EBF1: variants seen among roughly 807,000 people sequenced by gnomAD.
EBF1 encodes EBF transcription factor 1.
In EBF1, 10 loss-of-function variants were observed where a neutral mutation model predicts 68.4. That is an observed-to-expected ratio of 0.15 (90% confidence interval 0.09 to 0.25). The LOEUF (loss-of-function observed/expected upper bound fraction) is 0.25. Among genes scored for constraint, EBF1 ranks in the 10% least tolerant of loss-of-function variants. EBF1 has a pLI of 1.00. For synonymous variants in EBF1, 298 were observed against 299.8 expected (o/e 0.99, Z 0.06); for missense variants, 509 against 794.4 (o/e 0.64, Z 4.32).
chr5:159,070,763 T>C (rs1365599668), intron 6 of EBF1, among the ~76,000 whole-genome samples: 1 of 152,216 alleles, frequency 6.6e-6, no homozygotes, highest in Non-Finnish European at 1.5e-5. Context: ...TGTAATTGCA[T>C]ATTGTATGCA....
chr5:158,899,830 A>G (rs1802910792), intron 6 of EBF1, among the ~76,000 whole-genome samples: 1 of 152,146 alleles, frequency 6.6e-6, no homozygotes, highest in Non-Finnish European at 1.5e-5. Flanking sequence ...TTTCCATGAG[A>G]AAGGTGCGGT....
chr5:158,987,745 T>A (rs1330974355), intron 6 of EBF1, among the ~76,000 whole-genome samples: 2 of 152,170 alleles, frequency 1.3e-5, no homozygotes, highest in African/African-American at 4.8e-5. Context: ...GAAAAAGATA[T>A]AAGAACTCTT....
chr5:158,745,697 T>C (rs1357971378), intron 10 of EBF1, among the ~76,000 whole-genome samples: 3 of 152,170 alleles, frequency 2.0e-5, no homozygotes, highest in African/African-American at 7.2e-5. Context: ...GCCATGTGGA[T>C]ATAATTTGTT....
chr5:158,727,173 T>C (rs145125844), intron 11 of EBF1, among the ~76,000 whole-genome samples: 16 of 152,306 alleles, frequency 1.1e-4, no homozygotes, highest in East Asian at 9.7e-4. Context: ...ACCTTAATAA[T>C]GCAGTGCTGG....
intron 11 of EBF1, among the ~76,000 whole-genome samples, chr5:158,728,131 T>C (rs1351515058): frequency 6.6e-6 from 1 of 152,136 alleles, no homozygotes; most frequent in Admixed American, 6.5e-5. Flanking sequence ...AGGAATACCT[T>C]GTGCTGGCTC....
At chr5:158,745,253 A>G (rs751227731) in intron 10 of EBF1, among the ~76,000 whole-genome samples, 2 of 152,188 alleles carry the variant, frequency 1.3e-5, no homozygotes, top group South Asian at 2.1e-4. Context: ...TTACAATCAC[A>G]TATTTGTTGC....
At chr5:158,980,686 C>T (rs763802813) in intron 6 of EBF1, among the ~76,000 whole-genome samples, 29 of 152,114 alleles carry the variant, frequency 1.9e-4, no homozygotes, top group Non-Finnish European at 3.8e-4. Flanking sequence ...ATGGCATTCC[C>T]CCTTTGAATG....
chr5:158,834,656 T>C (rs1788337800), intron 7 of EBF1, among the ~76,000 whole-genome samples: 1 of 152,198 alleles, frequency 6.6e-6, no homozygotes. Context: ...AATTAAGCAA[T>C]CTCTGTTTAC....
intron 8 of EBF1, among the ~76,000 whole-genome samples, chr5:158,807,241 T>G (rs897992049): frequency 2.6e-5 from 4 of 152,062 alleles, no homozygotes; most frequent in Non-Finnish European, 5.9e-5. Context: ...ATCCCTCCAA[T>G]GAGGAGCACA....
In EBF1 at chr5:159,009,401, C is replaced by A. The variant is rs929378951; in HGVS notation, c.554+63995G>T. Among the ~76,000 whole-genome samples the A allele has an allele frequency of 2.0e-5, 3 of 152,184 alleles. No individual in the cohort carries two copies. In the East Asian group the frequency reaches 5.8e-4, roughly 29 times the overall value. ...GATTGTGTGGAACTTGACAAAAGAG[C>A]CTCGTTTAAGAAATGCCACTAGAAG... On this transcript the variant is annotated intron_variant, in intron 6 of 15. Transcript: ENST00000313708.
In EBF1 at chr5:158,905,451, C is replaced by A. The variant is rs185403742; in HGVS notation, c.555-65341G>T. 1.8e-3 allele frequency among the ~76,000 whole-genome samples: 274 copies of A among 152,196 alleles called. 2 individuals carry two copies. The highest frequency in any genetic ancestry group is 6.2e-3 in the African/African-American group (259 of 41,530). On this transcript the variant is annotated intron_variant, in intron 6 of 15. Coordinates refer to ENST00000313708, the MANE Select transcript of EBF1 (RefSeq NM_024007.5). ...TCTGGACAGTGGCATTTTGGCATTGCGATAGCACTGGATGAGGATTAAGTC... is the reference window on the plus strand; with the variant it reads ...TCTGGACAGTGGCATTTTGGCATTGAGATAGCACTGGATGAGGATTAAGTC...
intron 6 of EBF1, among the ~76,000 whole-genome samples, chr5:159,072,088 G>A (rs1374116046): frequency 6.6e-6 from 1 of 152,136 alleles, no homozygotes; most frequent in African/African-American, 2.4e-5. Flanking sequence ...AATTCTATAG[G>A]TAGCACACAC....
chr5:158,816,287 G>A (rs1228521354), intron 8 of EBF1, among the ~76,000 whole-genome samples: 2 of 152,254 alleles, frequency 1.3e-5, no homozygotes, highest in Admixed American at 1.3e-4. Flanking sequence ...TGGAGGCAAG[G>A]CTAGGCCAAT....
chr5:158,723,782 G>A (rs776980262), intron 11 of EBF1, among the ~76,000 whole-genome samples: 6 of 151,990 alleles, frequency 3.9e-5, no homozygotes, highest in African/African-American at 9.7e-5. Context: ...AGCATTTGCC[G>A]CAAAATAAGT....
chr5:158,884,695 A>G (rs1799668236), intron 6 of EBF1, among the ~76,000 whole-genome samples: 1 of 152,162 alleles, frequency 6.6e-6, no homozygotes, highest in African/African-American at 2.4e-5. Context: ...CCTGAGTGCA[A>G]TTCTGAAACA....
chr5:159,076,642 G>A (rs958990705), intron 5 of EBF1, among the ~76,000 whole-genome samples: 1 of 152,168 alleles, frequency 6.6e-6, no homozygotes, highest in Non-Finnish European at 1.5e-5. Flanking sequence ...AAAAACTTTA[G>A]GCCAAGTATG....
intron 6 of EBF1, among the ~76,000 whole-genome samples, chr5:158,915,907 GAA>G (rs78678856): frequency 0.022 from 3,309 of 152,304 alleles, 61 homozygotes; most frequent in Non-Finnish European, 0.03. Flanking sequence ...TGGCAGGTGA[GAA>G]AGTTTATTAA....
At chr5:159,005,342 G>A (rs756636932) in intron 6 of EBF1, among the ~76,000 whole-genome samples, 1 of 152,210 alleles carries the variant, frequency 6.6e-6, no homozygotes, top group Non-Finnish European at 1.5e-5. Flanking sequence ...AAGGGAGAGT[G>A]TATGCACTTT....
At chr5:158,829,530 TTGTAACA>T (rs1787011768) in intron 7 of EBF1, among the ~76,000 whole-genome samples, 1 of 151,946 alleles carries the variant, frequency 6.6e-6, no homozygotes, top group Non-Finnish European at 1.5e-5. Context: ...GGCACATCAA[TTGTAACA>T]TGTATCACAC....
Sources: allele counts gnomAD v4.1 joint callset (sites outside exome capture counted in the v4.1 genomes callset), GRCh38; gene constraint gnomAD v4.1.1; transcripts MANE v1.5; gene names NCBI Gene and HGNC (gene_info 2026-07-23, HGNC 2026-07-21).